Variants in FCSK observed in about 807,000 individuals in gnomAD.
The protein encoded by FCSK is fucose kinase.
FCSK carries 123 observed loss-of-function variants against 122.5 expected under a neutral mutation model. That is an observed-to-expected ratio of 1.00 (90% CI 0.87 to 1.17). The LOEUF is 1.17. FCSK is among the 50% of genes most tolerant of loss of function. The pLI, the probability that FCSK is intolerant of heterozygous loss-of-function variation, is 0.00. For missense variants in FCSK, 1,366 were observed against 1,450.4 expected (o/e 0.94, Z 0.95); for synonymous variants, 620 against 625.5 (o/e 0.99, Z 0.13).
At chr16:70,462,474 C>T (rs979414695) in intron 1 of FCSK, among the ~76,000 whole-genome samples, 4 of 152,292 alleles carry the variant, frequency 2.6e-5, no homozygotes, top group South Asian at 2.1e-4. Flanking sequence ...TACAGGCACA[C>T]GCCACCACGC....
intron 1 of FCSK, among the ~76,000 whole-genome samples, chr16:70,460,147 C>T (rs1210083824): frequency 6.8e-6 from 1 of 147,636 alleles, no homozygotes. Flanking sequence ...CGCTCTGTCG[C>T]CCAGGCTGGA....
At position 70,479,666 on chromosome 16, in the gene FCSK, T is replaced by C; in HGVS notation, c.3241T>C (p.Cys1081Arg). 1 of 1,613,826 alleles carries C rather than the reference T, an allele frequency of 6.2e-7. No homozygotes were observed. Among genetic ancestry groups the C allele is most frequent in the Non-Finnish European group, 8.5e-7 (1 of 1,179,840 alleles). ...KLLGTEASTC[C>R]PFP ...GCTGGGGACCGAGGCCTCAACCTGT[T>C]GCCCTTTCCCATGAAGCTGGCTTCT... The change falls in exon 24 of 24, where the codon TGC (cysteine) becomes CGC (arginine). Residue 1081 changes from cysteine to arginine, a missense_variant. Coordinates refer to ENST00000288078, the MANE Select transcript of FCSK (RefSeq NM_145059.3).
At position 70,463,291 on chromosome 16, in the gene FCSK, C is replaced by A; in HGVS notation, c.82+19C>A. 1 of 1,595,676 alleles carries A rather than the reference C, an allele frequency of 6.3e-7. No homozygotes were observed. Among genetic ancestry groups the A allele is most frequent in the South Asian group, 1.1e-5 (1 of 90,512 alleles). ...CAGAGAGGTAGGGGACTCCCCTTCC[C>A]ACCTTGCCCCTAATGGAGAACCTCC... On this transcript the variant is annotated intron_variant, in intron 2 of 23. Transcript: ENST00000288078.
intron 1 of FCSK, among the ~76,000 whole-genome samples, chr16:70,455,454 C>T (rs1228033689): frequency 2.0e-5 from 3 of 151,886 alleles, no homozygotes; most frequent in South Asian, 4.1e-4. Flanking sequence ...CACTGCACTC[C>T]ACCCTGGGCG....
intron 10 of FCSK, among the ~76,000 whole-genome samples, chr16:70,469,759 C>G (rs1336689371): frequency 1.3e-5 from 2 of 152,034 alleles, no homozygotes; most frequent in Non-Finnish European, 2.9e-5. Context: ...TCTTGAACTC[C>G]TGGCCTCAGG....
intron 1 of FCSK, among the ~76,000 whole-genome samples, chr16:70,456,664 A>G (rs1391271825): frequency 6.6e-6 from 1 of 152,210 alleles, no homozygotes; most frequent in African/African-American, 2.4e-5. Flanking sequence ...TCATGCTGAA[A>G]ACAGTCCTGG....
At chr16:70,465,448 C>T (rs112603752) in intron 4 of FCSK, among the ~76,000 whole-genome samples, 3 of 151,394 alleles carry the variant, frequency 2.0e-5, no homozygotes, top group Non-Finnish European at 2.9e-5. Flanking sequence ...TGCTTGAGCC[C>T]AGGAGATCGA....
intron 10 of FCSK, 72 bp downstream of exon 10, chr16:70,469,395 A>G (rs1030475664): frequency 1.6e-5 from 23 of 1,437,856 alleles, no homozygotes; most frequent in Non-Finnish European, 2.1e-5. Flanking sequence ...GGAGCTGCTC[A>G]CTGCATGCTG....
rs1210666616 is a variant in FCSK, at chr16:70,473,681, G to C, written c.1777+328G>C. On this transcript the variant is annotated intron_variant, in intron 15 of 23. Transcript: ENST00000288078. The surrounding 1 kb of genome is among the most constrained non-coding windows in gnomAD (Gnocchi z 4.9). ...GTGCAGAGCGTGGCGAGGGGACAGAGCCCCCAGGGGACATGGTCATCTCTG... is the reference window on the plus strand; with the variant it reads ...GTGCAGAGCGTGGCGAGGGGACAGACCCCCCAGGGGACATGGTCATCTCTG... 6.6e-6 allele frequency among the ~76,000 whole-genome samples: 1 copy of C among 152,188 alleles called. No individual in the cohort carries two copies. Among genetic ancestry groups the C allele is most frequent in the African/African-American group, 2.4e-5 (1 of 41,450 alleles).
intron 14 of FCSK, 36 bp from the exon 15 acceptor site, chr16:70,472,947 C>A: frequency 6.4e-7 from 1 of 1,570,858 alleles, no homozygotes. Context: ...GGAGCTTTTG[C>A]TTCCCTCCTG....
At chr16:70,467,553 C>A in intron 7 of FCSK, 82 bp downstream of exon 7, 1 of 1,064,194 alleles carries the variant, frequency 9.4e-7, no homozygotes. Context: ...CAGTGGGCAG[C>A]CTCTCATCCT....
At position 70,479,286 on chromosome 16, in the gene FCSK, G is replaced by T; in HGVS notation, c.3036G>T (p.Leu1012=). 6.2e-7 allele frequency: 1 copy of T among 1,614,028 alleles called. No homozygotes were observed. The highest frequency in any genetic ancestry group is 1.7e-5 in the Admixed American group (1 of 60,026). The change falls in exon 23 of 24, where the codon CTG becomes CTT. Residue 1012 remains leucine (L), a synonymous_variant. Transcript: ENST00000288078. ...CTGTGCGGCGTATGATGGATGTCCT[G>T]GCCCCCCACGTGCATGGCCAGAGCC... ...PLTVRRMMDV[L]APHVHGQSLA...
intron 20 of FCSK, chr16:70,477,998 T>G: frequency 2.2e-6 from 1 of 453,860 alleles, no homozygotes; most frequent in Non-Finnish European, 3.9e-6. Context: ...GTAAAATCTT[T>G]ATTCTTCAGT....
chr16:70,468,507 T>TA (rs1312149163), intron 8 of FCSK, among the ~76,000 whole-genome samples: 2 of 152,064 alleles, frequency 1.3e-5, no homozygotes, highest in African/African-American at 2.4e-5. Context: ...GTGAGCAAGT[T>TA]AGGGAGTGCG....
rs1240127076 is a variant in FCSK at position 70,463,603 on chromosome 16, A to G, written c.83-20A>G. On this transcript the variant is annotated intron_variant, in intron 2 of 23. Transcript: ENST00000288078. ...GGCAGAGAGCTGGGGGGCAGGTCCCAGTGTCTCTTCTGACCCTAGAACTGG... is the reference window on the plus strand; with the variant it reads ...GGCAGAGAGCTGGGGGGCAGGTCCCGGTGTCTCTTCTGACCCTAGAACTGG... The G allele has an allele frequency of 1.1e-5, 17 of 1,612,188 alleles. No individual in the cohort carries two copies. Among genetic ancestry groups the G allele is most frequent in the Middle Eastern group, 3.5e-4 (2 of 5,680 alleles).
In FCSK at chr16:70,475,590, G is replaced by A. The variant is rs572476520; in HGVS notation, c.2522-58G>A. 5.1e-6 allele frequency: 8 copies of A among 1,573,752 alleles called. No individual in the cohort carries two copies. The East Asian group carries it at 1.8e-4, about 36-fold the overall frequency. On this transcript the variant is annotated intron_variant, in intron 19 of 23. Coordinates refer to ENST00000288078, the MANE Select transcript of FCSK (RefSeq NM_145059.3). ...TGGCCTCTGCCCTTAGACGGAGTCA[G>A]GCAGGCCTGGGCAGGGTGGAGGTGT... is the stretch of plus-strand genomic sequence containing the variant.
intron 13 of FCSK, among the ~76,000 whole-genome samples, chr16:70,472,104 C>T (rs553369062): frequency 2.1e-4 from 32 of 151,770 alleles, no homozygotes; most frequent in African/African-American, 6.8e-4. Flanking sequence ...CCACCGCGCA[C>T]GGCTGGGTGG....
intron 20 of FCSK, 145 bp downstream of exon 20, chr16:70,475,912 T>C (rs2048797575): frequency 2.3e-6 from 2 of 855,610 alleles, no homozygotes; most frequent in Non-Finnish European, 3.3e-6. Flanking sequence ...TTCTAGTCAC[T>C]TTGACCTTCT....
chr16:70,463,415 G>A, intron 2 of FCSK, 143 bp downstream of exon 2: 1 of 889,808 alleles, frequency 1.1e-6, no homozygotes, highest in East Asian at 2.5e-5. Context: ...AGCATACGTG[G>A]CATGTCATTC....
Sources: allele counts gnomAD v4.1 joint callset (sites outside exome capture counted in the v4.1 genomes callset), GRCh38; gene constraint gnomAD v4.1.1; non-coding constraint Gnocchi (gnomAD v3.1); transcripts MANE v1.5; gene names NCBI Gene and HGNC (gene_info 2026-07-23, HGNC 2026-07-21).